FBRSL1: variants seen among roughly 807,000 people sequenced by gnomAD.
FBRSL1 encodes fibrosin like 1, also known as fibrosin-1-like protein.
Under a neutral mutation model 89.6 loss-of-function variants are expected in FBRSL1, and 51 were observed. The observed-to-expected ratio is 0.57, with a 90% CI of 0.45 to 0.72. The LOEUF is 0.72. Ranked by LOEUF, FBRSL1 falls within the 30% of genes least tolerant of loss-of-function variation. The pLI is 0.00. For synonymous variants in FBRSL1, 779 were observed against 681.1 expected, an observed-to-expected ratio of 1.14 and a Z score of -2.24; for missense variants, 1,618 against 1,451.8, an observed-to-expected ratio of 1.11 and a Z score of -1.86.
In FBRSL1 at chr12:132,564,915, C is replaced by T. The variant is rs574157737; in HGVS notation, c.646-2566C>T. Reference sequence around the variant, plus strand: ...CAGTGCTGGGATTTCAGGCGTGAGCCGCGGCCGGCCGCCCTCCTAGGTTTT... The same window carrying T: ...CAGTGCTGGGATTTCAGGCGTGAGCTGCGGCCGGCCGCCCTCCTAGGTTTT... On this transcript the variant is annotated intron_variant, in intron 5 of 18. Transcript: ENST00000680143. Among the ~76,000 whole-genome samples the T allele has an allele frequency of 5.6e-3, 818 of 146,156 alleles. 15 individuals carry two copies. Among genetic ancestry groups the T allele is most frequent in the African/African-American group, 0.022 (787 of 35,972 alleles).
chr12:132,548,984 C>G (rs568436300), intron 5 of FBRSL1, among the ~76,000 whole-genome samples: 2 of 152,194 alleles, frequency 1.3e-5, no homozygotes, highest in Non-Finnish European at 2.9e-5. Flanking sequence ...AGGGGACGCC[C>G]ACTGTGGCCC....
chr12:132,578,343 T>TCACACACACACA (rs3221291), intron 15 of FBRSL1, among the ~76,000 whole-genome samples: 1,591 of 141,094 alleles, frequency 0.011, 10 homozygotes, highest in African/African-American at 0.023. Flanking sequence ...AGACCCTGTC[T>TCACACACACACA]CACACACACA....
rs187533908 is a variant in FBRSL1 at position 132,516,542 on chromosome 12, G to A, written c.489+8192G>A. On this transcript the variant is annotated intron_variant, in intron 2 of 18. Coordinates refer to ENST00000680143, the MANE Select transcript of FBRSL1 (RefSeq NM_001367871.1). ...GAGTTTCTGGATGTCCACGTTTTCT[G>A]TCTTCAGTGCCACCTCCCCCAGCCT... Among the ~76,000 whole-genome samples the A allele has an allele frequency of 5.0e-3, 764 of 152,276 alleles. 4 individuals are homozygous for A. Among genetic ancestry groups the A allele is most frequent in the East Asian group, 8.5e-3 (44 of 5,194 alleles).
At chr12:132,545,417 C>A (rs1199549212) in intron 4 of FBRSL1, among the ~76,000 whole-genome samples, 1 of 152,230 alleles carries the variant, frequency 6.6e-6, no homozygotes, top group Non-Finnish European at 1.5e-5. Flanking sequence ...CTTAATAACA[C>A]GAATTCATTC....
At chr12:132,494,612 C>T (rs761057039) in intron 1 of FBRSL1, among the ~76,000 whole-genome samples, 3 of 152,236 alleles carry the variant, frequency 2.0e-5, no homozygotes, top group Non-Finnish European at 2.9e-5. Context: ...TAGCTCCAGG[C>T]GGACACCACC....
intron 1 of FBRSL1, among the ~76,000 whole-genome samples, chr12:132,503,490 C>T (rs2033292566): frequency 1.3e-5 from 2 of 152,342 alleles, no homozygotes; most frequent in South Asian, 2.1e-4. Flanking sequence ...GGCTGTCGCC[C>T]ACCAGGTGAG....
At chr12:132,542,928 C>A (rs1430759036) in intron 4 of FBRSL1, among the ~76,000 whole-genome samples, 1 of 152,250 alleles carries the variant, frequency 6.6e-6, no homozygotes, top group Non-Finnish European at 1.5e-5. Context: ...TTGTGTCTCC[C>A]CATGTGTGGG....
At chr12:132,549,092 G>A (rs1356051807) in intron 5 of FBRSL1, among the ~76,000 whole-genome samples, 4 of 152,168 alleles carry the variant, frequency 2.6e-5, no homozygotes, top group African/African-American at 9.7e-5. Flanking sequence ...GGGGGAGGAG[G>A]GTCTGGGCGG....
At chr12:132,536,268 C>T (rs1299771600) in intron 4 of FBRSL1, among the ~76,000 whole-genome samples, 1 of 149,064 alleles carries the variant, frequency 6.7e-6, no homozygotes, top group African/African-American at 2.5e-5. Flanking sequence ...GCCATGTGTA[C>T]ATGATGGTGT....
At chr12:132,555,571 G>A (rs1048672575) in intron 5 of FBRSL1, among the ~76,000 whole-genome samples, 5 of 152,182 alleles carry the variant, frequency 3.3e-5, no homozygotes, top group Non-Finnish European at 5.9e-5. Flanking sequence ...GAGCGTGAGC[G>A]TGGGGGCCAC....
chr12:132,570,188 G>A lies in FBRSL1; in HGVS notation c.954G>A (p.Leu318=). 6.6e-7 allele frequency: 1 copy of A among 1,505,770 alleles called. No homozygotes were observed. Among genetic ancestry groups the A allele is most frequent in the Admixed American group, 2.1e-5 (1 of 46,672 alleles). 93.3% of individuals were successfully genotyped at this position (1,505,770 alleles called of 1,614,324 possible). A position where few individuals can be genotyped will look rare whatever the true frequency, so the allele number is the denominator to read the frequency against. The change falls in exon 7 of 19, where the codon CTG becomes CTA. Residue 318 remains leucine (L), a synonymous_variant. Transcript: ENST00000680143. ...TCCCGACACACGTGCCTGCATCCCT[G>A]GGCGCCTTCGCGGGCCACAGCCAGG... The part of the protein sequence containing the change: ...GLLPTHVPAS[L]GAFAGHSQAA...
At chr12:132,542,790 T>C (rs2037373630) in intron 4 of FBRSL1, among the ~76,000 whole-genome samples, 1 of 152,252 alleles carries the variant, frequency 6.6e-6, no homozygotes, top group Non-Finnish European at 1.5e-5. Flanking sequence ...TCCCTGCTTA[T>C]GAATTTTTCA....
intron 4 of FBRSL1, among the ~76,000 whole-genome samples, chr12:132,529,404 A>G (rs2036068866): frequency 6.6e-6 from 1 of 152,172 alleles, no homozygotes; most frequent in Non-Finnish European, 1.5e-5. Context: ...ACCCAGCCTC[A>G]TGGGCAGGAA....
chr12:132,505,356 G>A (rs2033553705), intron 1 of FBRSL1, among the ~76,000 whole-genome samples: 1 of 152,190 alleles, frequency 6.6e-6, no homozygotes, highest in Non-Finnish European at 1.5e-5. Context: ...CGCCCATGGG[G>A]TGGGGCTGTT....
At chr12:132,517,700 G>A (rs1336020300) in intron 2 of FBRSL1, among the ~76,000 whole-genome samples, 2 of 152,162 alleles carry the variant, frequency 1.3e-5, no homozygotes, top group African/African-American at 2.4e-5. Context: ...CTGAGGAGCC[G>A]AGCGGGCATG....
chr12:132,572,229 C>T (rs1247162684), intron 9 of FBRSL1, 59 bp from the exon 10 acceptor site: 26 of 1,504,018 alleles, frequency 1.7e-5, no homozygotes, highest in South Asian at 1.1e-4. Flanking sequence ...GGGCGGGGCC[C>T]GGGGCCCAGC....
At chr12:132,494,909 C>G (rs573189239) in intron 1 of FBRSL1, among the ~76,000 whole-genome samples, 69 of 152,346 alleles carry the variant, frequency 4.5e-4, no homozygotes, top group Non-Finnish European at 8.8e-4. Flanking sequence ...GGACATGCAC[C>G]CAAAATGCTG....
chr12:132,566,329 C>T (rs1370669721), intron 5 of FBRSL1: 4 of 151,220 alleles, frequency 2.6e-5, no homozygotes, highest in Non-Finnish European at 5.9e-5. Context: ...ATCCCATCAC[C>T]TGGGGGTGAG....
intron 4 of FBRSL1, among the ~76,000 whole-genome samples, chr12:132,528,492 C>G (rs2035984678): frequency 1.3e-5 from 2 of 152,052 alleles, no homozygotes; most frequent in Non-Finnish European, 2.9e-5. Context: ...GGGCAACACC[C>G]AGGGAGCCAG....
Sources: gnomAD v4.1 joint callset for allele counts (sites outside exome capture counted in the v4.1 genomes callset) on GRCh38, gnomAD v4.1.1 for gene constraint, MANE v1.5 for transcripts, NCBI Gene and HGNC (gene_info 2026-07-23, HGNC 2026-07-21) for gene names.